Variants in SEMA5A observed in about 807,000 individuals in gnomAD.
The protein encoded by SEMA5A is semaphorin 5A.
In SEMA5A, 55 loss-of-function variants were observed where a neutral mutation model predicts 135.5. The observed-to-expected ratio is 0.41, with a 90% CI of 0.33 to 0.51. The LOEUF (loss-of-function observed/expected upper bound fraction) is 0.51. Among genes scored for constraint, SEMA5A ranks in the 20% least tolerant of loss-of-function variants. The probability of loss-of-function intolerance (pLI) is 0.37; values close to 1 mark genes in which losing one functional copy is unlikely to be tolerated. For missense variants in SEMA5A, 1,290 were observed against 1,419.9 expected, an observed-to-expected ratio of 0.91 and a Z score of 1.47; for synonymous variants, 580 against 546.5, an observed-to-expected ratio of 1.06 and a Z score of -0.85.
At chr5:9,328,518 C>T (rs1261619048) in intron 4 of SEMA5A, among the ~76,000 whole-genome samples, 1 of 152,158 alleles carries the variant, frequency 6.6e-6, no homozygotes, top group Non-Finnish European at 1.5e-5. Context: ...GTGGCTCATG[C>T]CTGTAATCCT....
intron 2 of SEMA5A, among the ~76,000 whole-genome samples, chr5:9,423,224 G>A (rs1757531544): frequency 6.6e-6 from 1 of 152,114 alleles, no homozygotes; most frequent in African/African-American, 2.4e-5. Flanking sequence ...TTTCTTGAGA[G>A]GTGATTCACA....
chr5:9,082,936 C>T (rs1329158481), intron 16 of SEMA5A, among the ~76,000 whole-genome samples: 2 of 152,196 alleles, frequency 1.3e-5, no homozygotes, highest in Admixed American at 1.3e-4. Context: ...TATCATTTTA[C>T]TCCATTTGTG....
At position 9,054,210 on chromosome 5, in the gene SEMA5A, T is replaced by G; in HGVS notation, c.2566A>C (p.Thr856Pro). 1 of 1,614,042 alleles carries G rather than the reference T, an allele frequency of 6.2e-7. No individual in the cohort carries two copies. ...CTCATATAGTGTCCACCGCCGCATG[T>G]TGCTGAACATTTTGTCCAGGGGGAC... ...CWSPWTKCSA[T>P]CGGGHYMRTR... Residue 856 changes from threonine to proline, a missense_variant, in exon 19 of 23, where the codon ACA becomes CCA. By Grantham distance (38) the Thr-to-Pro change is conservative. Transcript: ENST00000382496.
At chr5:9,217,653 C>A (rs1245371448) in intron 8 of SEMA5A, among the ~76,000 whole-genome samples, 1 of 152,196 alleles carries the variant, frequency 6.6e-6, no homozygotes, top group Non-Finnish European at 1.5e-5. Context: ...GGTGTCTTTA[C>A]CTCTTTACAT....
chr5:9,524,077 C>A (rs1339174948), intron 1 of SEMA5A, among the ~76,000 whole-genome samples: 1 of 152,108 alleles, frequency 6.6e-6, no homozygotes, highest in Non-Finnish European at 1.5e-5. Context: ...TTAGCACCAT[C>A]CCCCTAGTGC....
At chr5:9,223,427 G>A (rs1747113396) in intron 8 of SEMA5A, among the ~76,000 whole-genome samples, 2 of 152,120 alleles carry the variant, frequency 1.3e-5, no homozygotes, top group South Asian at 2.1e-4. Context: ...CCCCTCCCAG[G>A]GGGTACTGAA....
chr5:9,538,942 T>C (rs1737925779), intron 1 of SEMA5A, among the ~76,000 whole-genome samples: 1 of 152,242 alleles, frequency 6.6e-6, no homozygotes, highest in African/African-American at 2.4e-5. Flanking sequence ...AGAATTTTCT[T>C]TTTAAAAAAG....
chr5:9,282,837 A>G (rs1356992744), intron 5 of SEMA5A, among the ~76,000 whole-genome samples: 1 of 152,168 alleles, frequency 6.6e-6, no homozygotes, highest in African/African-American at 2.4e-5. Flanking sequence ...AAAACCTGTG[A>G]CCATGTTATG....
At chr5:9,389,480 G>A (rs147171097) in intron 2 of SEMA5A, among the ~76,000 whole-genome samples, 166 of 152,228 alleles carry the variant, frequency 1.1e-3, no homozygotes, top group Middle Eastern at 0.01. Flanking sequence ...TCTCCCTTGC[G>A]TCTGCTTCCT....
chr5:9,170,637 T>C (rs1029737445), intron 11 of SEMA5A, among the ~76,000 whole-genome samples: 3 of 152,042 alleles, frequency 2.0e-5, no homozygotes, highest in Admixed American at 6.6e-5. Flanking sequence ...GCCTTGTCTC[T>C]TTCCCCTGTG....
chr5:9,431,128 C>A (rs548483181), intron 2 of SEMA5A, among the ~76,000 whole-genome samples: 2 of 152,210 alleles, frequency 1.3e-5, no homozygotes, highest in African/African-American at 4.8e-5. Context: ...GTGATTGGCC[C>A]ACTTGGGTAG....
At chr5:9,363,379 A>G (rs144112341) in intron 3 of SEMA5A, 1 of 152,360 alleles carries the variant, frequency 6.6e-6, no homozygotes, top group African/African-American at 2.4e-5. Flanking sequence ...TACTGGATCT[A>G]CACTTAAAAC....
At chr5:9,188,399 C>T (rs907625607) in intron 11 of SEMA5A, among the ~76,000 whole-genome samples, 1 of 152,160 alleles carries the variant, frequency 6.6e-6, no homozygotes, top group African/African-American at 2.4e-5. Context: ...ATCAGAAATC[C>T]TCAGAAGTTC....
At chr5:9,456,431 C>G (rs1193264391) in intron 1 of SEMA5A, among the ~76,000 whole-genome samples, 2 of 151,984 alleles carry the variant, frequency 1.3e-5, no homozygotes, top group Non-Finnish European at 2.9e-5. Context: ...ATTAAAAACT[C>G]TAACCTTCAA....
intron 2 of SEMA5A, among the ~76,000 whole-genome samples, chr5:9,417,935 C>T (rs1436410124): frequency 6.6e-6 from 1 of 151,268 alleles, no homozygotes; most frequent in Non-Finnish European, 1.5e-5. Flanking sequence ...TGTATCCTCA[C>T]ATGGCAGAGC....
chr5:9,473,496 A>G (rs1178707069), intron 1 of SEMA5A, among the ~76,000 whole-genome samples: 1 of 151,762 alleles, frequency 6.6e-6, no homozygotes, highest in African/African-American at 2.4e-5. Flanking sequence ...TCAGGCTACC[A>G]AGACGAAGGC....
intron 14 of SEMA5A, 101 bp from the exon 15 acceptor site, chr5:9,119,242 C>CA: frequency 2.8e-6 from 4 of 1,409,318 alleles, no homozygotes; most frequent in South Asian, 1.2e-5. Context: ...AGGAGGATCA[C>CA]GCTTGGGGCT....
At chr5:9,439,824 A>G (rs555902833) in intron 1 of SEMA5A, among the ~76,000 whole-genome samples, 1 of 152,362 alleles carries the variant, frequency 6.6e-6, no homozygotes, top group East Asian at 1.9e-4. Flanking sequence ...TGGAAAAGCA[A>G]TACCCACAGG....
intron 16 of SEMA5A, among the ~76,000 whole-genome samples, chr5:9,096,956 T>TAG: frequency 6.6e-6 from 1 of 152,198 alleles, no homozygotes; most frequent in South Asian, 2.1e-4. Flanking sequence ...CTTTTCATCA[T>TAG]AGAGAGGAAA....
Sources: allele counts gnomAD v4.1 joint callset (sites outside exome capture counted in the v4.1 genomes callset), GRCh38; gene constraint gnomAD v4.1.1; transcripts MANE v1.5; gene names NCBI Gene and HGNC (gene_info 2026-07-23, HGNC 2026-07-21).